RBMS1: variants seen among roughly 807,000 people sequenced by gnomAD.
RBMS1 encodes the protein RNA binding motif single stranded interacting protein 1.
A neutral mutation model predicts 62.3 loss-of-function variants in RBMS1; 17 were observed. The observed-to-expected ratio is 0.27, with a 90% CI of 0.19 to 0.41. The LOEUF (loss-of-function observed/expected upper bound fraction) is 0.41, where lower values mean the gene tolerates loss of function less well. RBMS1 is among the 10% of genes least tolerant of loss of function. The pLI, the probability that RBMS1 is intolerant of heterozygous loss-of-function variation, is 1.00. For missense variants in RBMS1, 334 were observed against 504.5 expected, an observed-to-expected ratio of 0.66 and a Z score of 3.24; for synonymous variants, 172 against 170.0, an observed-to-expected ratio of 1.01 and a Z score of -0.09.
intron 9 of RBMS1, chr2:160,284,476 G>T: frequency 2.7e-6 from 1 of 377,346 alleles, no homozygotes; most frequent in Non-Finnish European, 5.0e-6. Context: ...TCAATTTTTG[G>T]GACACATGGT....
intron 1 of RBMS1, among the ~76,000 whole-genome samples, chr2:160,455,106 A>C (rs568191903): frequency 6.6e-6 from 1 of 152,336 alleles, no homozygotes; most frequent in African/African-American, 2.4e-5. Context: ...TTAAATGTTT[A>C]ATCAGAACTA....
Position 160,281,491 on chromosome 2 carries a change from T to C in RBMS1, c.901-127A>G, listed in dbSNP as rs139792806. ...AACAAGGAAACAATACTATCAATGA[T>C]TAAAAAGATTAAGGCAGTTAGAATT... On this transcript the variant is annotated intron_variant, in intron 9 of 13. Coordinates refer to ENST00000348849, the MANE Select transcript of RBMS1 (RefSeq NM_016836.4). 1,609 of 701,628 alleles carry C rather than the reference T, an allele frequency of 2.3e-3. 6 individuals carry two copies. The highest frequency in any genetic ancestry group is 2.7e-3 in the Admixed American group (95 of 34,710). 43.5% of individuals were successfully genotyped at this position (701,628 alleles called of 1,614,324 possible).
At chr2:160,406,559 A>G (rs1695719266) in intron 1 of RBMS1, among the ~76,000 whole-genome samples, 1 of 152,224 alleles carries the variant, frequency 6.6e-6, no homozygotes, top group African/African-American at 2.4e-5. Flanking sequence ...TGTTTTCTCA[A>G]CAAGCATCTT....
chr2:160,433,455 G>T (rs1682984954), intron 1 of RBMS1, among the ~76,000 whole-genome samples: 1 of 152,158 alleles, frequency 6.6e-6, no homozygotes, highest in South Asian at 2.1e-4. Flanking sequence ...TTTAAAACAA[G>T]TTTGTTCACA....
At chr2:160,455,464 A>G (rs1435825051) in intron 1 of RBMS1, among the ~76,000 whole-genome samples, 1 of 152,242 alleles carries the variant, frequency 6.6e-6, no homozygotes, top group African/African-American at 2.4e-5. Flanking sequence ...ATATAATTGC[A>G]GACTGAACAA....
chr2:160,363,707 C>A (rs1350320979), intron 2 of RBMS1, among the ~76,000 whole-genome samples: 3 of 152,026 alleles, frequency 2.0e-5, no homozygotes, highest in Non-Finnish European at 4.4e-5. Context: ...GGAAAAGAGA[C>A]AGTGTTGAGA....
At chr2:160,369,188 T>C (rs1438332283) in intron 1 of RBMS1, among the ~76,000 whole-genome samples, 1 of 152,338 alleles carries the variant, frequency 6.6e-6, no homozygotes, top group South Asian at 2.1e-4. Context: ...CCTGAGATCA[T>C]ATCCTACCAA....
At chr2:160,327,009 G>A (rs554918617) in intron 2 of RBMS1, among the ~76,000 whole-genome samples, 7 of 152,324 alleles carry the variant, frequency 4.6e-5, no homozygotes, top group African/African-American at 1.7e-4. Context: ...GCAGATTTGA[G>A]GTGATTTAGC....
intron 1 of RBMS1, among the ~76,000 whole-genome samples, chr2:160,384,445 A>C (rs1694461936): frequency 1.3e-5 from 2 of 152,236 alleles, no homozygotes; most frequent in South Asian, 4.1e-4. Context: ...TTTAGTGATA[A>C]CTATTATCCC....
intron 2 of RBMS1, among the ~76,000 whole-genome samples, chr2:160,337,563 A>G (rs1691646040): frequency 6.6e-6 from 1 of 152,124 alleles, no homozygotes. Context: ...ATGAGCTTTA[A>G]TCATATACTT....
intron 6 of RBMS1, among the ~76,000 whole-genome samples, chr2:160,296,958 T>A (rs1688967829): frequency 2.0e-5 from 3 of 152,186 alleles, no homozygotes. Context: ...TGAACCCACT[T>A]GACACTCCAA....
In RBMS1 at chr2:160,303,600, A is replaced by G. The variant is rs1034320922; in HGVS notation, c.403-113T>C. ...TTGCTCAAGTCCTTTTAAAGTACTC[A>G]GAACCTCAGAACACCAAAGTCACCC... On this transcript the variant is annotated intron_variant, in intron 4 of 13. Transcript: ENST00000348849. 4 of 1,129,162 alleles carry G rather than the reference A, an allele frequency of 3.5e-6. No homozygotes were observed. In the African/African-American group the frequency reaches 4.8e-5, roughly 13 times the overall value. The allele number at this position is 1,129,162 out of a possible 1,614,324, so 69.9% of individuals were successfully genotyped here.
chr2:160,352,640 G>A (rs1013922112), intron 2 of RBMS1, among the ~76,000 whole-genome samples: 6 of 152,102 alleles, frequency 3.9e-5, no homozygotes, highest in African/African-American at 1.4e-4. Flanking sequence ...TTGTAACTCT[G>A]CGTTGGTATT....
At chr2:160,426,063 A>G (rs1041927486) in intron 1 of RBMS1, among the ~76,000 whole-genome samples, 1 of 152,082 alleles carries the variant, frequency 6.6e-6, no homozygotes, top group Non-Finnish European at 1.5e-5. Flanking sequence ...AAGGCAAGTT[A>G]TTAAATTATT....
chr2:160,441,501 A>G (rs1350767730), intron 1 of RBMS1, among the ~76,000 whole-genome samples: 1 of 152,218 alleles, frequency 6.6e-6, no homozygotes, highest in Non-Finnish European at 1.5e-5. Context: ...AGGCAGGAGC[A>G]CTGCTTGAGG....
chr2:160,327,731 T>G (rs1691029318), intron 2 of RBMS1, among the ~76,000 whole-genome samples: 1 of 152,124 alleles, frequency 6.6e-6, no homozygotes, highest in African/African-American at 2.4e-5. Context: ...TACTAACATG[T>G]CAGAGGAAAA....
intron 1 of RBMS1, among the ~76,000 whole-genome samples, chr2:160,427,004 G>C (rs1191806038): frequency 6.6e-6 from 1 of 152,128 alleles, no homozygotes; most frequent in Non-Finnish European, 1.5e-5. Context: ...GAGATGGTTG[G>C]AATTTTTCTG....
In RBMS1 at chr2:160,285,304, T is replaced by C. The variant is rs546573658; in HGVS notation, c.757-260A>G. Among the ~76,000 whole-genome samples the C allele has an allele frequency of 1.2e-4, 19 of 152,202 alleles. 1 individual carries two copies. Among genetic ancestry groups the C allele is most frequent in the African/African-American group, 4.6e-4 (19 of 41,524 alleles). ...AGGGGAATTTGTACTTAGAGTCTAG[T>C]AGCATTTGATAAAATTGGGAGTTTC... On this transcript the variant is annotated intron_variant, in intron 7 of 13. Transcript: ENST00000348849.
chr2:160,309,721 G>C (rs1689743104), intron 4 of RBMS1, among the ~76,000 whole-genome samples: 1 of 152,174 alleles, frequency 6.6e-6, no homozygotes, highest in Non-Finnish European at 1.5e-5. Flanking sequence ...TGCCTGGCTA[G>C]AAAAATCAAC....
Sources: allele counts gnomAD v4.1 joint callset (sites outside exome capture counted in the v4.1 genomes callset), GRCh38; gene constraint gnomAD v4.1.1; transcripts MANE v1.5; gene names NCBI Gene and HGNC (gene_info 2026-07-23, HGNC 2026-07-21).